The following ZNF257 variants were observed in gnomAD, a reference collection of about 807,000 sequenced individuals.
The protein encoded by ZNF257 is bone marrow zinc finger 4.
In ZNF257, 12 loss-of-function variants were observed where a neutral mutation model predicts 11.9. The ratio of observed to expected loss-of-function variants is 1.01; its 90% CI spans 0.65 to 1.63. The LOEUF is 1.63. ZNF257 is among the 40% of genes most tolerant of loss of function. The pLI, the probability that ZNF257 is intolerant of heterozygous loss-of-function variation, is 0.00. For missense variants in ZNF257, 580 were observed against 665.5 expected (o/e 0.87, Z 1.41); for synonymous variants, 183 against 222.7 (o/e 0.82, Z 1.59).
intron 1 of ZNF257, among the ~76,000 whole-genome samples, chr19:22,058,426 A>G (rs2021701140): frequency 6.6e-6 from 1 of 152,126 alleles, no homozygotes; most frequent in Non-Finnish European, 1.5e-5. Flanking sequence ...TGATTTTTAA[A>G]CAGTAGCTCA....
chr19:22,075,865 C>A (rs554635410), intron 3 of ZNF257: 1 of 152,112 alleles, frequency 6.6e-6, no homozygotes, highest in South Asian at 2.1e-4. Context: ...AGCCATGAGG[C>A]CTGGTACTCT....
chr19:22,053,890 A>T (rs2021552590), intron 1 of ZNF257, among the ~76,000 whole-genome samples: 1 of 151,854 alleles, frequency 6.6e-6, no homozygotes, highest in Admixed American at 6.6e-5. Flanking sequence ...GTGCCATTGC[A>T]CTCCAGCCTG....
At chr19:22,073,360 G>C in intron 2 of ZNF257, 109 bp from the exon 3 acceptor site, 2 of 1,221,024 alleles carry the variant, frequency 1.6e-6, no homozygotes, top group East Asian at 5.6e-5. Context: ...TTAGTATTTT[G>C]GCATAAATGT....
chr19:22,076,816 G>C (rs970472622), intron 3 of ZNF257, among the ~76,000 whole-genome samples: 1 of 152,058 alleles, frequency 6.6e-6, no homozygotes, highest in African/African-American at 2.4e-5. Flanking sequence ...AGCCTCCCGA[G>C]TAGCTGGGAC....
At chr19:22,059,854 C>G (rs1324674917) in intron 1 of ZNF257, among the ~76,000 whole-genome samples, 1 of 151,854 alleles carries the variant, frequency 6.6e-6, no homozygotes, top group Non-Finnish European at 1.5e-5. Flanking sequence ...CCCCAAGTAG[C>G]TGGGACTATA....
intron 3 of ZNF257, chr19:22,087,629 G>A: frequency 1.7e-6 from 2 of 1,185,178 alleles, no homozygotes; most frequent in Non-Finnish European, 2.1e-6. Context: ...CTTTTAAATA[G>A]AAACAAGGAG....
intron 1 of ZNF257, among the ~76,000 whole-genome samples, chr19:22,066,978 A>G (rs1385204920): frequency 1.3e-5 from 2 of 151,718 alleles, no homozygotes; most frequent in African/African-American, 2.4e-5. Flanking sequence ...TCTTTTCGTT[A>G]TATATTCCAG....
At position 22,058,442 on chromosome 19, in the gene ZNF257, A is replaced by G. The variant is rs561848262; in HGVS notation, c.3+5807A>G. Among the ~76,000 whole-genome samples the G allele has an allele frequency of 9.2e-5, 14 of 152,332 alleles. No homozygotes were observed. In the East Asian group the frequency reaches 2.1e-3, roughly 23 times the overall value. On this transcript the variant is annotated intron_variant, in intron 1 of 3. Transcript: ENST00000594947. ...GATTTTTAAACAGTAGCTCAGGAGC[A>G]TAGATGGGTTCATTGGGTTTGTTCC...
chr19:22,067,354 C>T (rs909282900), intron 1 of ZNF257, among the ~76,000 whole-genome samples: 1 of 152,112 alleles, frequency 6.6e-6, no homozygotes, highest in Non-Finnish European at 1.5e-5. Flanking sequence ...AGAATCTCCA[C>T]TTTCTTGTAT....
At chr19:22,067,789 G>A (rs1026580476) in intron 1 of ZNF257, among the ~76,000 whole-genome samples, 2 of 151,846 alleles carry the variant, frequency 1.3e-5, no homozygotes, top group African/African-American at 4.8e-5. Context: ...ACCCGAGATC[G>A]CGCCACTGCA....
At chr19:22,080,964 A>G (rs190921765) in intron 3 of ZNF257, among the ~76,000 whole-genome samples, 1 of 150,880 alleles carries the variant, frequency 6.6e-6, no homozygotes, top group East Asian at 2.0e-4. Context: ...TGCAACCTCC[A>G]TCTCCCAGGT....
At chr19:22,077,759 T>G (rs549447631) in intron 3 of ZNF257, among the ~76,000 whole-genome samples, 4 of 152,308 alleles carry the variant, frequency 2.6e-5, no homozygotes, top group African/African-American at 9.6e-5. Context: ...GGTCCTGTGT[T>G]GCATATTATA....
At chr19:22,058,229 A>G (rs988901302) in intron 1 of ZNF257, among the ~76,000 whole-genome samples, 12 of 151,942 alleles carry the variant, frequency 7.9e-5, no homozygotes, top group African/African-American at 2.9e-4. Context: ...ATTAATCACA[A>G]CTATTTACCT....
At position 22,073,551 on chromosome 19, in the gene ZNF257, A is replaced by G. The variant is rs1389952310; in HGVS notation, c.213A>G (p.Val71=). ...EPCNMKRHEM[V]AKPPVMCSHI... is the part of the protein sequence containing the mutation. The stretch of plus-strand genomic sequence containing the variant: ...GTAATATGAAGAGACATGAGATGGT[A>G]GCCAAACCCCCAGGTAGGTGAGAGT... The change falls in exon 3 of 4, where the codon GTA becomes GTG. Residue 71 remains valine, a synonymous_variant. Transcript: ENST00000594947. The G allele has an allele frequency of 6.2e-7, 1 of 1,611,250 alleles. No individual in the cohort carries two copies. The highest frequency in any genetic ancestry group is 1.7e-5 in the Admixed American group (1 of 59,720).
intron 1 of ZNF257, among the ~76,000 whole-genome samples, chr19:22,072,483 T>C (rs962856524): frequency 2.7e-5 from 4 of 150,776 alleles, no homozygotes; most frequent in Non-Finnish European, 2.9e-5. Flanking sequence ...GTTAGAAATA[T>C]AGAAACTCAA....
At chr19:22,078,847 C>T (rs2022293513) in intron 3 of ZNF257, among the ~76,000 whole-genome samples, 1 of 144,984 alleles carries the variant, frequency 6.9e-6, no homozygotes, top group Non-Finnish European at 1.5e-5. Flanking sequence ...GGCTGGAGTG[C>T]AATGGTGCAA....
chr19:22,058,254 C>G (rs571544507), intron 1 of ZNF257, among the ~76,000 whole-genome samples: 1 of 151,388 alleles, frequency 6.6e-6, no homozygotes, highest in East Asian at 1.9e-4. Context: ...TACCTATGTG[C>G]TTCATCTTTC....
chr19:22,052,746 G>A (rs1000763668), intron 1 of ZNF257, 111 bp downstream of exon 1: 65 of 1,354,164 alleles, frequency 4.8e-5, no homozygotes, highest in Non-Finnish European at 6.6e-5. Context: ...TACCATCTGC[G>A]CCCGAGTTTT....
At chr19:22,058,416 T>C (rs10404669) in intron 1 of ZNF257, among the ~76,000 whole-genome samples, 36,075 of 151,974 alleles carry the variant, frequency 0.24, 5,823 homozygotes, top group African/African-American at 0.46. Flanking sequence ...TGGGAGTCCT[T>C]GATTTTTAAA....
Sources: gnomAD v4.1 joint callset for allele counts (sites outside exome capture counted in the v4.1 genomes callset) on GRCh38, gnomAD v4.1.1 for gene constraint, MANE v1.5 for transcripts, NCBI Gene and HGNC (gene_info 2026-07-23, HGNC 2026-07-21) for gene names.